TCF20: variants seen among roughly 807,000 people sequenced by gnomAD.
TCF20 encodes the protein SPRE-binding protein.
In TCF20, 3 loss-of-function variants were observed where a neutral mutation model predicts 148.6. The observed-to-expected ratio is 0.02, with a 90% CI of 0.01 to 0.05. TCF20 has a LOEUF of 0.05. Ranked by LOEUF, TCF20 falls within the 10% of genes least tolerant of loss-of-function variation. The pLI, the probability that TCF20 is intolerant of heterozygous loss-of-function variation, is 1.00. For missense variants in TCF20, 2,350 were observed against 2,429.3 expected (o/e 0.97, Z 0.69); for synonymous variants, 1,049 against 909.5 (o/e 1.15, Z -2.76).
chr22:42,257,830 C>A (rs1177222310), intron 1 of TCF20, among the ~76,000 whole-genome samples: 6 of 152,178 alleles, frequency 3.9e-5, no homozygotes, highest in Admixed American at 3.9e-4. Context: ...CTGGGGGAGC[C>A]CAGCACGGAA....
Position 42,168,720 on chromosome 22 carries a change from G to T in TCF20, c.5816C>A (p.Pro1939His). The T allele has an allele frequency of 6.2e-7, 1 of 1,610,498 alleles. No individual in the cohort carries two copies. The change falls in exon 5 of 6, where the codon CCT becomes CAT. Residue 1939 changes from proline (P) to histidine (H), a missense_variant. Physicochemically the swap from Pro to His is moderately conservative, Grantham distance 77. Around this residue, in one of 7 missense-constraint regions of TCF20, gnomAD observed 67 missense variants for 60.8 expected, o/e 1.10. Transcript: ENST00000677622. ...CPKHKPPLPCPLPPLQNKTAK... is the reference protein window; with the variant it reads ...CPKHKPPLPCHLPPLQNKTAK... ...GGTCTTGTTCTGCAAGGGGGGGAGA[G>T]GGCACGGAAGGGGAGGCTGACACGG... is the stretch of plus-strand genomic sequence containing the variant.
rs1040465334 is a variant in TCF20, at chr22:42,209,908, G to A, written c.5398C>T (p.Arg1800Trp). Residue 1800 changes from arginine (R) to tryptophan (W), a missense_variant, in exon 2 of 6, where the codon CGG becomes TGG. By Grantham distance (101) the Arg-to-Trp change is moderately radical. This residue lies in a region of TCF20 where 374 missense variants were observed against 398.3 expected (regional missense o/e 0.94). Transcript: ENST00000677622. ...CAAGGGAGCCCCCTGGACAGGGACC[G>A]AGGGCCTCCACCACAGTCTTCCGAG... Reference protein sequence around the residue: ...HRSEDCGGGPRSLSRGLPCKK... With the variant: ...HRSEDCGGGPWSLSRGLPCKK... The A allele has an allele frequency of 1.4e-5, 23 of 1,614,052 alleles. No homozygotes were observed. Among genetic ancestry groups the A allele is most frequent in the South Asian group, 2.2e-5 (2 of 91,088 alleles).
At chr22:42,239,594 T>A (rs1268362719) in intron 1 of TCF20, among the ~76,000 whole-genome samples, 2 of 151,968 alleles carry the variant, frequency 1.3e-5, no homozygotes, top group Non-Finnish European at 2.9e-5. Flanking sequence ...TCCAGACCAG[T>A]CTGGCCAACA....
At chr22:42,313,316 G>A (rs1927569489) in intron 1 of TCF20, among the ~76,000 whole-genome samples, 1 of 152,180 alleles carries the variant, frequency 6.6e-6, no homozygotes, top group Admixed American at 6.5e-5. Flanking sequence ...AGGCCTCTGA[G>A]AGCCAGAGGT....
At chr22:42,242,227 A>AAAAAAAAAGAAAAAAAAAAAAAAAAAT (rs1491280192) in intron 1 of TCF20, among the ~76,000 whole-genome samples, 1 of 122,704 alleles carries the variant, frequency 8.1e-6, no homozygotes, top group Non-Finnish European at 1.7e-5. Context: ...AAAAAAAAAA[A>AAAAAAAAAGAAAAAAAAAAAAAAAAAT]CAGAAAAGAA....
At chr22:42,226,469 G>A (rs1922905054) in intron 1 of TCF20, among the ~76,000 whole-genome samples, 1 of 152,084 alleles carries the variant, frequency 6.6e-6, no homozygotes, top group Non-Finnish European at 1.5e-5. Flanking sequence ...TCGGAAGGCT[G>A]AGGCAGGCAG....
chr22:42,190,459 G>GACACACAC (rs34881449), intron 2 of TCF20, among the ~76,000 whole-genome samples: 2 of 149,338 alleles, frequency 1.3e-5, no homozygotes, highest in South Asian at 2.1e-4. Context: ...GACCTTGACT[G>GACACACAC]ACACACACAC....
chr22:42,288,657 G>A (rs189245889), upstream of TCF20, among the ~76,000 whole-genome samples: 65 of 142,904 alleles, frequency 4.5e-4, no homozygotes, highest in Admixed American at 3.2e-3. Context: ...GCAGTGAGCC[G>A]AGATCATGCC....
chr22:42,342,843 T>TG (rs1185023143), intron 1 of TCF20, among the ~76,000 whole-genome samples: 1 of 152,088 alleles, frequency 6.6e-6, no homozygotes, highest in Non-Finnish European at 1.5e-5. Flanking sequence ...TCGGGCACCG[T>TG]GGGGGTGTCT....
intron 1 of TCF20, among the ~76,000 whole-genome samples, chr22:42,319,924 C>T (rs975076327): frequency 3.3e-5 from 5 of 152,134 alleles, no homozygotes; most frequent in South Asian, 2.1e-4. Flanking sequence ...TCCCTCCCAC[C>T]CCAGCACCTG....
chr22:42,227,021 G>A (rs1042899759), intron 1 of TCF20, among the ~76,000 whole-genome samples: 7 of 152,158 alleles, frequency 4.6e-5, no homozygotes, highest in African/African-American at 1.4e-4. Flanking sequence ...GGTGGCTCAC[G>A]CCTGTAATCC....
chr22:42,200,635 T>C (rs9611755), intron 2 of TCF20, among the ~76,000 whole-genome samples: 11,078 of 112,886 alleles, frequency 0.098, 851 homozygotes, highest in East Asian at 0.35. Context: ...GAGCAGGACT[T>C]CGTCTCAAAA....
chr22:42,166,023 A>C lies in TCF20; in HGVS notation c.*44+2586T>G, dbSNP rs1250937504. Reference sequence around the variant, plus strand: ...TGGGGCCCAAGATGAGTCCTCCTTTAGTCAGAGGTGTGATTCTATCCCCAG... The same window carrying C: ...TGGGGCCCAAGATGAGTCCTCCTTTCGTCAGAGGTGTGATTCTATCCCCAG... On this transcript the variant is annotated intron_variant, in intron 5 of 5. Coordinates refer to ENST00000677622, the MANE Select transcript of TCF20 (RefSeq NM_001378418.1). Among the ~76,000 whole-genome samples the C allele has an allele frequency of 2.0e-5, 3 of 152,222 alleles. No homozygotes were observed. In the South Asian group the frequency reaches 6.2e-4, roughly 31 times the overall value.
At chr22:42,331,427 A>C (rs138610938) in intron 1 of TCF20, among the ~76,000 whole-genome samples, 15 of 152,316 alleles carry the variant, frequency 9.8e-5, no homozygotes, top group Middle Eastern at 3.4e-3. Flanking sequence ...AGCCCACGAG[A>C]GAAAGTGACT....
chr22:42,207,370 T>C (rs932696293), intron 2 of TCF20, among the ~76,000 whole-genome samples: 4 of 152,142 alleles, frequency 2.6e-5, no homozygotes, highest in African/African-American at 9.7e-5. Context: ...AATGTTTTTT[T>C]TTCCTCTGGG....
At chr22:42,169,318 C>A (rs1048834986) in intron 4 of TCF20, among the ~76,000 whole-genome samples, 1 of 152,136 alleles carries the variant, frequency 6.6e-6, no homozygotes, top group Admixed American at 6.5e-5. Context: ...GAAGCGACCA[C>A]GAGACCACCT....
chr22:42,300,732 CT>C (rs1555956778), intron 1 of TCF20, among the ~76,000 whole-genome samples: 1 of 152,124 alleles, frequency 6.6e-6, no homozygotes, highest in Non-Finnish European at 1.5e-5. Context: ...GGCCAACACA[CT>C]CAGCCCCACT....
chr22:42,216,928 T>G (rs1406382701), intron 1 of TCF20, among the ~76,000 whole-genome samples: 2 of 152,180 alleles, frequency 1.3e-5, no homozygotes, highest in African/African-American at 4.8e-5. Flanking sequence ...CCAAGTGACT[T>G]TAGAACCAAT....
chr22:42,231,923 C>T (rs1423992586), intron 1 of TCF20, among the ~76,000 whole-genome samples: 5 of 37,810 alleles, frequency 1.3e-4, no homozygotes, highest in Non-Finnish European at 2.8e-4. Context: ...AGAGAGACTC[C>T]GTCTCAAAAA....
Sources: gnomAD v4.1 joint callset for allele counts (sites outside exome capture counted in the v4.1 genomes callset) on GRCh38, gnomAD v4.1.1 for gene constraint, gnomAD v4.1.1 regional missense constraint, MANE v1.5 for transcripts, NCBI Gene and HGNC (gene_info 2026-07-23, HGNC 2026-07-21) for gene names.